PLA2R1: variants seen among roughly 807,000 people sequenced by gnomAD.
The protein encoded by PLA2R1 is secretory phospholipase A2 receptor.
PLA2R1 carries 158 observed loss-of-function variants against 195.9 expected under a neutral mutation model. The observed-to-expected ratio is 0.81, with a 90% CI of 0.71 to 0.92. PLA2R1 has a LOEUF of 0.92. Among genes scored for constraint, PLA2R1 ranks in the 40% least tolerant of loss-of-function variants. PLA2R1 has a pLI of 0.00. For missense variants in PLA2R1, 1,626 were observed against 1,764.6 expected (o/e 0.92, Z 1.41); for synonymous variants, 586 against 598.2 (o/e 0.98, Z 0.30).
At chr2:159,976,276 G>C (rs1315753672) in intron 16 of PLA2R1, 51 bp from the exon 17 acceptor site, 1 of 1,315,884 alleles carries the variant, frequency 7.6e-7, no homozygotes, top group Non-Finnish European at 1.1e-6. Flanking sequence ...AGGTATGCTA[G>C]GATTGACCCC....
Position 160,062,292 on chromosome 2 carries a change from C to G in PLA2R1, c.109+3G>C, listed in dbSNP as rs1429487278. On this transcript the variant is annotated splice_donor_region_variant and intron_variant, in intron 1 of 29. Coordinates refer to ENST00000283243, the MANE Select transcript of PLA2R1 (RefSeq NM_007366.5). Reference sequence around the variant, plus strand: ...ATCCAGTCCCCGACCCTGGGAGACTCACCCTGCCACTCCAGGAGCCGCTCG... The same window carrying G: ...ATCCAGTCCCCGACCCTGGGAGACTGACCCTGCCACTCCAGGAGCCGCTCG... 1 of 1,485,962 alleles carries G rather than the reference C, an allele frequency of 6.7e-7. No individual in the cohort carries two copies. The highest frequency in any genetic ancestry group is 8.9e-7 in the Non-Finnish European group (1 of 1,117,460). The allele number at this position is 1,485,962 out of a possible 1,614,324, so 92.0% of individuals were successfully genotyped here.
chr2:159,974,330 A>C (rs1210808800), intron 17 of PLA2R1, among the ~76,000 whole-genome samples: 2 of 152,152 alleles, frequency 1.3e-5, no homozygotes, highest in Admixed American at 1.3e-4. Flanking sequence ...CTGTGTAACC[A>C]AGTTGCTTAA....
chr2:159,982,539 C>T (rs1188446577), intron 13 of PLA2R1, among the ~76,000 whole-genome samples: 2 of 152,234 alleles, frequency 1.3e-5, no homozygotes, highest in Non-Finnish European at 2.9e-5. Flanking sequence ...CATGGCAAAT[C>T]TCCAAGATTG....
At chr2:159,930,136 C>T (rs998311983), downstream of PLA2R1, among the ~76,000 whole-genome samples, 4 of 152,082 alleles carry the variant, frequency 2.6e-5, no homozygotes, top group African/African-American at 4.8e-5. Context: ...TGGCCAGGCG[C>T]GGTGGCTCAC....
chr2:159,928,828 A>G (rs1271530027), downstream of PLA2R1, among the ~76,000 whole-genome samples: 1 of 152,246 alleles, frequency 6.6e-6, no homozygotes, highest in Non-Finnish European at 1.5e-5. Context: ...AACAGAATAG[A>G]GATCTCAGAA....
At chr2:160,034,492 T>G (rs944844957) in intron 3 of PLA2R1, among the ~76,000 whole-genome samples, 1 of 152,226 alleles carries the variant, frequency 6.6e-6, no homozygotes, top group African/African-American at 2.4e-5. Context: ...TCCTTAAAGA[T>G]TGTTTTCAGT....
chr2:159,992,858 T>C (rs909968218), intron 11 of PLA2R1, among the ~76,000 whole-genome samples: 5 of 152,088 alleles, frequency 3.3e-5, no homozygotes, highest in African/African-American at 1.2e-4. Flanking sequence ...TTTGGAACAA[T>C]TGGGTTGAAC....
At position 159,987,251 on chromosome 2, in the gene PLA2R1, C is replaced by T. The variant is rs756774429; in HGVS notation, c.1942G>A (p.Glu648Lys). 1.9e-6 allele frequency: 3 copies of T among 1,613,790 alleles called. No individual in the cohort carries two copies. The highest frequency in any genetic ancestry group is 2.2e-5 in the East Asian group (1 of 44,868). The change falls in exon 12 of 30, where the codon GAA becomes AAA. Residue 648 changes from glutamate to lysine, a missense_variant. Glu to Lys is a moderately conservative substitution (Grantham distance 56). Coordinates refer to ENST00000283243, the MANE Select transcript of PLA2R1 (RefSeq NM_007366.5). ...KAMSLCKQPV[E>K]NQEKAEYEER... ...TCATACTCTGCTTTTTCCTGATTTT[C>T]AACTGGCTGCTTGCACAAGGACATT...
intron 5 of PLA2R1, 23 bp downstream of exon 5, chr2:160,028,827 G>A: frequency 7.1e-7 from 1 of 1,415,616 alleles, no homozygotes. Context: ...ACGTGACGAA[G>A]GCAAAGAAAA....
chr2:159,949,989 C>A (rs1687640400), intron 24 of PLA2R1, among the ~76,000 whole-genome samples: 1 of 152,174 alleles, frequency 6.6e-6, no homozygotes, highest in African/African-American at 2.4e-5. Context: ...GGCTCCCTGC[C>A]ACAATGATTT....
At chr2:160,017,204 G>A (rs752056067) in intron 8 of PLA2R1, among the ~76,000 whole-genome samples, 6 of 152,108 alleles carry the variant, frequency 3.9e-5, no homozygotes, top group African/African-American at 1.2e-4. Flanking sequence ...TCTCAATCTC[G>A]AGTGTGCTCC....
At chr2:160,047,333 A>G (rs147487687) in intron 1 of PLA2R1, among the ~76,000 whole-genome samples, 156 of 152,332 alleles carry the variant, frequency 1.0e-3, no homozygotes, top group African/African-American at 3.6e-3. Context: ...GAAAAGCCTT[A>G]GGAAATGGGA....
At chr2:160,003,577 T>A (rs985027825) in intron 11 of PLA2R1, among the ~76,000 whole-genome samples, 2 of 152,110 alleles carry the variant, frequency 1.3e-5, no homozygotes, top group Admixed American at 6.5e-5. Context: ...AAGGTAGACA[T>A]TAAAAGAATA....
At position 160,028,226 on chromosome 2, in the gene PLA2R1, T is replaced by G. The variant is rs747312613; in HGVS notation, c.1091A>C (p.Glu364Ala). 6 of 1,587,710 alleles carry G rather than the reference T, an allele frequency of 3.8e-6. No homozygotes were observed. The South Asian group carries it at 7.0e-5, about 19-fold the overall frequency. Residue 364 changes from glutamate to alanine, a missense_variant, in exon 6 of 30, where the codon GAA becomes GCA. Transcript: ENST00000283243. ...CKKYLNHIDH[E>A]IVEKDAWKYY... is the part of the protein sequence containing the mutation. ...AAAATAAAAACGCTTACCAACTATT[T>G]CATGATCAATGTGGTTTAGATATTT... is the stretch of plus-strand genomic sequence containing the variant.
the PLA2R1 span, among the ~76,000 whole-genome samples, chr2:159,924,292 A>C: frequency 6.6e-6 from 1 of 152,206 alleles, no homozygotes; most frequent in Non-Finnish European, 1.5e-5. Context: ...CAACATCCTT[A>C]ACTGAATCCC....
chr2:159,930,078 CA>C (rs1686550579), downstream of PLA2R1, among the ~76,000 whole-genome samples: 1 of 152,026 alleles, frequency 6.6e-6, no homozygotes, highest in South Asian at 2.1e-4. Flanking sequence ...TTTGGGGACT[CA>C]GGGGGAAGGG....
chr2:160,024,172 A>G (rs1226009822), intron 6 of PLA2R1, among the ~76,000 whole-genome samples: 1 of 152,160 alleles, frequency 6.6e-6, no homozygotes, highest in Non-Finnish European at 1.5e-5. Context: ...TGTTGAAAAA[A>G]GAACCACTGC....
Position 160,016,695 on chromosome 2 carries a change from G to T in PLA2R1, c.1470C>A (p.Val490=), listed in dbSNP as rs779355765. ...AAAAAAGTCTTTCTTCACAATTTTT[G>T]ACTTTCCAGTGTCCCTCCTACGGAG... ...SAEQSEGHWK[V]KNCEERLFYI... Residue 490 remains valine (V), a synonymous_variant, in exon 9 of 30, where the codon GTC becomes GTA. Coordinates refer to ENST00000283243, the MANE Select transcript of PLA2R1 (RefSeq NM_007366.5). 6.3e-7 allele frequency: 1 copy of T among 1,591,922 alleles called. No homozygotes were observed. Among genetic ancestry groups the T allele is most frequent in the Admixed American group, 1.7e-5 (1 of 59,970 alleles).
intron 28 of PLA2R1, among the ~76,000 whole-genome samples, chr2:159,944,079 C>T (rs1269033808): frequency 6.6e-6 from 1 of 151,984 alleles, no homozygotes; most frequent in Non-Finnish European, 1.5e-5. Context: ...AAGTTCAGCT[C>T]TTTAGCCTGG....
Sources: gnomAD v4.1 joint callset for allele counts (sites outside exome capture counted in the v4.1 genomes callset) on GRCh38, gnomAD v4.1.1 for gene constraint, MANE v1.5 for transcripts, NCBI Gene and HGNC (gene_info 2026-07-23, HGNC 2026-07-21) for gene names.